HIVEP3: variants seen among roughly 807,000 people sequenced by gnomAD.
HIVEP3 encodes the protein transcription factor HIVEP3.
In HIVEP3, 49 loss-of-function variants were observed where a neutral mutation model predicts 152.8. The ratio of observed to expected loss-of-function variants is 0.32; its 90% confidence interval spans 0.26 to 0.41. The LOEUF (loss-of-function observed/expected upper bound fraction) is 0.41, where lower values mean the gene tolerates loss of function less well. Ranked by LOEUF, HIVEP3 falls within the 10% of genes least tolerant of loss-of-function variation. HIVEP3 has a pLI of 1.00. For synonymous variants in HIVEP3, 1,269 were observed against 1,289.0 expected (o/e 0.98, Z 0.33); for missense variants, 2,790 against 3,103.3 (o/e 0.90, Z 2.40).
chr1:41,548,102 G>A (rs1643848300), intron 5 of HIVEP3, among the ~76,000 whole-genome samples: 1 of 152,194 alleles, frequency 6.6e-6, no homozygotes, highest in Non-Finnish European at 1.5e-5. Context: ...CCTCAGAGGT[G>A]CTTTCTGAGC....
At chr1:41,904,667 C>T (rs184912890) in intron 1 of HIVEP3, among the ~76,000 whole-genome samples, 1 of 152,158 alleles carries the variant, frequency 6.6e-6, no homozygotes, top group African/African-American at 2.4e-5. Context: ...TACTTTATGC[C>T]CCACTTTGGT....
Position 41,664,415 on chromosome 1 carries a change from G to A in HIVEP3, c.-720-35468C>T, listed in dbSNP as rs918510178. Among the ~76,000 whole-genome samples, 2 of 152,152 alleles carry A rather than the reference G, an allele frequency of 1.3e-5. No individual in the cohort carries two copies. The highest frequency in any genetic ancestry group is 2.1e-4 in the South Asian group (1 of 4,830). On this transcript the variant is annotated intron_variant, in intron 2 of 8. Transcript: ENST00000372583. The surrounding 1 kb of genome is among the most constrained non-coding windows in gnomAD (Gnocchi z 4.4). ...CTCCTCCCCTTTGAGAGGTGGCCTG[G>A]CCTCAAGGGACCCTCCCAATGGATT...
At chr1:41,600,717 A>G (rs1056948235) in intron 3 of HIVEP3, among the ~76,000 whole-genome samples, 1 of 152,220 alleles carries the variant, frequency 6.6e-6, no homozygotes, top group Admixed American at 6.5e-5. Context: ...TTAAAATAGC[A>G]AAAGATTTTA....
chr1:41,942,725 C>T (rs760431871), intron 1 of HIVEP3, among the ~76,000 whole-genome samples: 1 of 152,044 alleles, frequency 6.6e-6, no homozygotes, highest in Non-Finnish European at 1.5e-5. Context: ...GGACTAGTTG[C>T]ATTCATAAAA....
At chr1:41,772,618 A>G (rs1025398531) in intron 1 of HIVEP3, among the ~76,000 whole-genome samples, 1 of 152,182 alleles carries the variant, frequency 6.6e-6, no homozygotes, top group Non-Finnish European at 1.5e-5. Flanking sequence ...ACAAACAAAG[A>G]ATAAAATAGG....
intron 1 of HIVEP3, among the ~76,000 whole-genome samples, chr1:41,975,540 A>C (rs1645254494): frequency 6.6e-6 from 1 of 152,226 alleles, no homozygotes; most frequent in African/African-American, 2.4e-5. Flanking sequence ...ACACTTGATG[A>C]ATCTGGTTTG....
chr1:41,999,159 G>A (rs2124522604), intron 1 of HIVEP3, among the ~76,000 whole-genome samples: 1 of 152,072 alleles, frequency 6.6e-6, no homozygotes, highest in East Asian at 1.9e-4. Flanking sequence ...CTCCCAAAGT[G>A]CTGAGATTAC....
chr1:41,601,961 G>C (rs576410966), intron 3 of HIVEP3, among the ~76,000 whole-genome samples: 1 of 152,252 alleles, frequency 6.6e-6, no homozygotes, highest in Admixed American at 6.5e-5. Flanking sequence ...AGGGTGTGTT[G>C]AATTTTGTCA....
At chr1:41,923,955 G>A (rs1352393650) in intron 1 of HIVEP3, among the ~76,000 whole-genome samples, 1 of 152,026 alleles carries the variant, frequency 6.6e-6, no homozygotes. Flanking sequence ...TCTATGCTTA[G>A]ATACCATTGT....
chr1:41,524,008 G>C (rs1036981471), intron 6 of HIVEP3, among the ~76,000 whole-genome samples: 12 of 152,228 alleles, frequency 7.9e-5, no homozygotes, highest in African/African-American at 2.4e-4. Flanking sequence ...CACACCAGGG[G>C]CCTGGCCTGG....
rs139548048 is a variant in HIVEP3 at position 41,725,005 on chromosome 1, G to A, written c.-800-24010C>T. On this transcript the variant is annotated intron_variant, in intron 1 of 8. Coordinates refer to ENST00000372583, the MANE Select transcript of HIVEP3 (RefSeq NM_024503.5). ...ACCCACAATCCCACACCAACTCAGG[G>A]AAGAAAGACCAGCTGTTTGTTTTCC... Among the ~76,000 whole-genome samples, 825 of 152,346 alleles carry A rather than the reference G, an allele frequency of 5.4e-3. 5 individuals are homozygous for A. The highest frequency in any genetic ancestry group is 9.3e-3 in the Non-Finnish European group (631 of 68,036).
In HIVEP3 at chr1:41,585,018, T is replaced by C. The variant is rs1016286712; in HGVS notation, c.-221A>G. The C allele has an allele frequency of 4.9e-6, 2 of 412,158 alleles. No individual in the cohort carries two copies. Among genetic ancestry groups the C allele is most frequent in the Admixed American group, 8.2e-5 (2 of 24,534 alleles). 25.5% of individuals were successfully genotyped at this position (412,158 alleles called of 1,614,324 possible). On this transcript the variant is annotated 5_prime_UTR_variant, in exon 4 of 9. It removes an upstream start codon present in the reference 5' UTR. Transcript: ENST00000372583. ...CCCACGCTATTCTATTGGTGAGGCA[T>C]GGCCCTCTACTTTGCAGACAGAAAA...
chr1:42,021,856 TC>T (rs1380974659), intron 1 of HIVEP3, among the ~76,000 whole-genome samples: 1 of 152,218 alleles, frequency 6.6e-6, no homozygotes, highest in Non-Finnish European at 1.5e-5. Context: ...TTTTCATTCT[TC>T]ATTTCAAATG....
intron 1 of HIVEP3, among the ~76,000 whole-genome samples, chr1:41,936,225 T>C (rs1240774388): frequency 6.6e-6 from 1 of 152,154 alleles, no homozygotes; most frequent in African/African-American, 2.4e-5. Context: ...TCCCAACCTA[T>C]TGCAAGTCAA....
At chr1:41,706,096 T>G (rs1442993587) in intron 1 of HIVEP3, among the ~76,000 whole-genome samples, 3 of 152,178 alleles carry the variant, frequency 2.0e-5, no homozygotes, top group Non-Finnish European at 2.9e-5. Flanking sequence ...AGGGTACATG[T>G]GCAAGTTTGT....
chr1:41,618,337 C>T (rs1455588623), intron 3 of HIVEP3, among the ~76,000 whole-genome samples: 1 of 152,260 alleles, frequency 6.6e-6, no homozygotes, highest in Non-Finnish European at 1.5e-5. Flanking sequence ...AGCCTTGTTC[C>T]TTCCTGCCTA....
chr1:42,015,711 G>A (rs1038419995), intron 1 of HIVEP3, among the ~76,000 whole-genome samples: 9 of 152,218 alleles, frequency 5.9e-5, no homozygotes, highest in Non-Finnish European at 7.3e-5. Context: ...GCTAAGCATC[G>A]ATTTCTGAAA....
rs1569794065 is a variant in HIVEP3, at chr1:41,533,778, G to A, written c.5208-8868C>T. Among the ~76,000 whole-genome samples, 1 of 151,832 alleles carries A rather than the reference G, an allele frequency of 6.6e-6. No homozygotes were observed. The highest frequency in any genetic ancestry group is 2.0e-4 in the East Asian group (1 of 5,112). ...CTTCCCCAGGTGACCCTCCACCTGGGTGCTGATGGCCCCCAGCCACTTCTC... is the reference window on the plus strand; with the variant it reads ...CTTCCCCAGGTGACCCTCCACCTGGATGCTGATGGCCCCCAGCCACTTCTC... On this transcript the variant is annotated intron_variant, in intron 5 of 8. Coordinates refer to ENST00000372583, the MANE Select transcript of HIVEP3 (RefSeq NM_024503.5). This position sits in a 1 kb window ranked among gnomAD's most constrained non-coding sequence, Gnocchi z 4.3.
intron 3 of HIVEP3, among the ~76,000 whole-genome samples, chr1:41,612,930 A>T (rs559873630): frequency 8.5e-5 from 13 of 152,322 alleles, no homozygotes; most frequent in African/African-American, 2.9e-4. Context: ...CTTGTTTGCC[A>T]CACAGAAATG....
Sources: gnomAD v4.1 joint callset for allele counts (sites outside exome capture counted in the v4.1 genomes callset) on GRCh38, gnomAD v4.1.1 for gene constraint, Gnocchi (gnomAD v3.1) non-coding constraint, MANE v1.5 for transcripts, NCBI Gene and HGNC (gene_info 2026-07-23, HGNC 2026-07-21) for gene names.